The following PANX2 variants were observed in gnomAD, a reference collection of about 807,000 sequenced individuals.
PANX2 encodes pannexin 2, also known as pannexin-2.
A neutral mutation model predicts 38.7 loss-of-function variants in PANX2; 30 were observed. That is an observed-to-expected ratio of 0.78 (90% CI 0.58 to 1.05). The LOEUF (loss-of-function observed/expected upper bound fraction) is 1.05, where lower values mean the gene tolerates loss of function less well. PANX2 is among the 50% of genes least tolerant of loss of function. The probability of loss-of-function intolerance (pLI) is 0.00; values close to 1 mark genes in which losing one functional copy is unlikely to be tolerated. For missense variants in PANX2, 880 were observed against 979.3 expected (o/e 0.90, Z 1.35); for synonymous variants, 539 against 472.1 (o/e 1.14, Z -1.84).
chr22:50,173,102 TG>T (rs1006662237), intron 1 of PANX2, among the ~76,000 whole-genome samples: 19 of 152,298 alleles, frequency 1.2e-4, no homozygotes, highest in African/African-American at 4.6e-4. Flanking sequence ...TTTGCCATGT[TG>T]GCCAGGATGG....
At position 50,175,707 on chromosome 22, in the gene PANX2, G is replaced by T. The variant is rs1250707725; in HGVS notation, c.227-1232G>T. On this transcript the variant is annotated intron_variant, in intron 1 of 2. Coordinates refer to ENST00000395842, the MANE Select transcript of PANX2 (RefSeq NM_052839.4). ...ACTCATGGGAACCCTCCCTGAGCAG[G>T]CTGTCTGGACTGGTAGATGTGCCTC... Among the ~76,000 whole-genome samples, 3 of 152,200 alleles carry T rather than the reference G, an allele frequency of 2.0e-5. No homozygotes were observed. In the South Asian group the frequency reaches 6.2e-4, roughly 32 times the overall value.
In PANX2 at chr22:50,178,221, C is replaced by G. The variant is rs574346456; in HGVS notation, c.1509C>G (p.Pro503=). The change falls in exon 2 of 3, where the codon CCC becomes CCG. Residue 503 remains proline, a synonymous_variant. Coordinates refer to ENST00000395842, the MANE Select transcript of PANX2 (RefSeq NM_052839.4). ...CCGCCCCTGCCCCCGCCCCGCCGCC[C>G]GCCCCTGACAAGAAGCACGCGCGCC... ...PGPAPAPAPP[P]APDKKHARHF... 3.5e-5 allele frequency: 52 copies of G among 1,480,146 alleles called. 1 individual carries two copies. The South Asian group carries it at 6.2e-4, about 18-fold the overall frequency. The allele number at this position is 1,480,146 out of a possible 1,614,324, so 91.7% of individuals were successfully genotyped here.
In PANX2 at chr22:50,177,918, G is replaced by A. The variant is rs1461418253; in HGVS notation, c.1206G>A (p.Val402=). 2.9e-5 allele frequency: 44 copies of A among 1,530,006 alleles called. No individual in the cohort carries two copies. The highest frequency in any genetic ancestry group is 3.8e-5 in the Non-Finnish European group (43 of 1,142,350). The allele number at this position is 1,530,006 out of a possible 1,614,324, so 94.8% of individuals were successfully genotyped here. A position where few individuals can be genotyped will look rare whatever the true frequency, so the allele number is the denominator to read the frequency against. The change falls in exon 2 of 3, where the codon GTG becomes GTA. Residue 402 remains valine (V), a synonymous_variant. Coordinates refer to ENST00000395842, the MANE Select transcript of PANX2 (RefSeq NM_052839.4). ...CCCCCACGGTGCGCGACTCGGGGGT[G>A]CAGACCGTGGACCCCAGCGCCAACC... ...DATPTVRDSG[V]QTVDPSANPA...
intron 1 of PANX2, among the ~76,000 whole-genome samples, chr22:50,171,255 T>C (rs1162329567): frequency 6.6e-6 from 1 of 152,142 alleles, no homozygotes; most frequent in East Asian, 1.9e-4. Flanking sequence ...ACACGGGGTC[T>C]GGTTTGGAGA....
chr22:50,172,215 C>G (rs2063636260), intron 1 of PANX2, among the ~76,000 whole-genome samples: 1 of 152,350 alleles, frequency 6.6e-6, no homozygotes, highest in East Asian at 1.9e-4. Flanking sequence ...TAGGCAGTTT[C>G]AAACAGCAGA....
intron 1 of PANX2, among the ~76,000 whole-genome samples, chr22:50,172,905 T>C (rs1457744323): frequency 6.7e-6 from 1 of 148,334 alleles, no homozygotes; most frequent in Admixed American, 6.8e-5. Context: ...ATTTTTTTTT[T>C]TTTTTTTTTG....
chr22:50,177,113 T>C lies in PANX2; in HGVS notation c.401T>C (p.Ile134Thr), dbSNP rs149462540. 1 of 1,610,288 alleles carries C rather than the reference T, an allele frequency of 6.2e-7. No individual in the cohort carries two copies. Among genetic ancestry groups the C allele is most frequent in the Non-Finnish European group, 8.5e-7 (1 of 1,178,788 alleles). ...LPYALLAFAAIMYVPALGWEF... is the reference protein window; with the variant it reads ...LPYALLAFAATMYVPALGWEF... ...TACGCGCTGCTGGCCTTCGCCGCCATCATGTACGTGCCCGCGCTGGGCTGG... is the reference window on the plus strand; with the variant it reads ...TACGCGCTGCTGGCCTTCGCCGCCACCATGTACGTGCCCGCGCTGGGCTGG... The change falls in exon 2 of 3, where the codon ATC becomes ACC. Residue 134 changes from isoleucine (I) to threonine (T), a missense_variant. Transcript: ENST00000395842.
In PANX2 at chr22:50,178,941, G is replaced by C; in HGVS notation, c.1698G>C (p.Pro566=). The change falls in exon 3 of 3, where the codon CCG becomes CCC. Residue 566 remains proline (P), a synonymous_variant. Coordinates refer to ENST00000395842, the MANE Select transcript of PANX2 (RefSeq NM_052839.4). ...GCTCTTGGCTGTTTGCAGATGCTCC[G>C]CTCCCCGAGAAGGAAATCCCGTACC... is the stretch of plus-strand genomic sequence containing the variant. The part of the protein sequence containing the change: ...GLAPAPIKDA[P]LPEKEIPYPT... 3 of 1,569,434 alleles carry C rather than the reference G, an allele frequency of 1.9e-6. No homozygotes were observed. The highest frequency in any genetic ancestry group is 1.1e-5 in the South Asian group (1 of 87,510).
At chr22:50,172,301 T>A (rs2063636654) in intron 1 of PANX2, among the ~76,000 whole-genome samples, 1 of 152,192 alleles carries the variant, frequency 6.6e-6, no homozygotes, top group African/African-American at 2.4e-5. Flanking sequence ...CTCCCACAGC[T>A]CTAGGAAAGG....
Position 50,170,920 on chromosome 22 carries a change from C to A in PANX2, c.190C>A (p.Leu64Met). Reference protein sequence around the residue: ...VTIGTVLVPILLVTLVFTKNF... With the variant: ...VTIGTVLVPIMLVTLVFTKNF... ...CATCGGCACCGTGCTGGTGCCCATCCTGCTGGTCACCCTGGTCTTCACCAA... is the reference window on the plus strand; with the variant it reads ...CATCGGCACCGTGCTGGTGCCCATCATGCTGGTCACCCTGGTCTTCACCAA... Residue 64 changes from leucine (L) to methionine (M), a missense_variant, in exon 1 of 3, where the codon CTG becomes ATG. By Grantham distance (15) the Leu-to-Met change is conservative. Coordinates refer to ENST00000395842, the MANE Select transcript of PANX2 (RefSeq NM_052839.4). The A allele has an allele frequency of 6.5e-7, 1 of 1,527,792 alleles. No individual in the cohort carries two copies. The highest frequency in any genetic ancestry group is 8.8e-7 in the Non-Finnish European group (1 of 1,137,556). The allele number at this position is 1,527,792 out of a possible 1,614,324, so 94.6% of individuals were successfully genotyped here.
intron 1 of PANX2, among the ~76,000 whole-genome samples, chr22:50,171,702 G>A (rs1686815792): frequency 6.6e-6 from 1 of 152,188 alleles, no homozygotes; most frequent in Non-Finnish European, 1.5e-5. Context: ...TGGGGTCCTG[G>A]TGCCTCTGCC....
Position 50,178,063 on chromosome 22 carries a change from C to T in PANX2, c.1351C>T (p.Arg451Cys). The T allele has an allele frequency of 6.4e-7, 1 of 1,554,028 alleles. No homozygotes were observed. Residue 451 changes from arginine (R) to cysteine (C), a missense_variant, in exon 2 of 3, where the codon CGC becomes TGC. By Grantham distance (180) the Arg-to-Cys change is radical (BLOSUM62 -3). Transcript: ENST00000395842. ...CTTCAAGGAGCCGCTGGCCATCATG[C>T]GCGTGGAGAACAGCAAGGCGGAGAA... ...QPFKEPLAIMRVENSKAEKPK... is the reference protein window; with the variant it reads ...QPFKEPLAIMCVENSKAEKPK...
intron 1 of PANX2, among the ~76,000 whole-genome samples, chr22:50,172,345 G>T (rs996429798): frequency 5.9e-5 from 9 of 152,234 alleles, no homozygotes; most frequent in African/African-American, 2.4e-5. Context: ...TGGTGCTGCC[G>T]GCAATCCTTG....
chr22:50,174,470 C>T (rs1602398819), intron 1 of PANX2, among the ~76,000 whole-genome samples: 2 of 152,314 alleles, frequency 1.3e-5, no homozygotes, highest in South Asian at 4.1e-4. Flanking sequence ...AGCACCAGGC[C>T]CCTGGCTGCC....
chr22:50,170,966 G>C lies in PANX2; in HGVS notation c.226+10G>C, dbSNP rs1284891615. ...ACCAAGAACTTCGCAGGTGAGGCCGGCGGCCGGGGCGCGGGGCGCGGGCAG... is the reference window on the plus strand; with the variant it reads ...ACCAAGAACTTCGCAGGTGAGGCCGCCGGCCGGGGCGCGGGGCGCGGGCAG... On this transcript the variant is annotated intron_variant, in intron 1 of 2. Transcript: ENST00000395842. 6.9e-7 allele frequency: 1 copy of C among 1,457,418 alleles called. No homozygotes were observed. The highest frequency in any genetic ancestry group is 9.2e-7 in the Non-Finnish European group (1 of 1,092,342). The allele number at this position is 1,457,418 out of a possible 1,614,324, so 90.3% of individuals were successfully genotyped here. A position where few individuals can be genotyped will look rare whatever the true frequency, so the allele number is the denominator to read the frequency against.
chr22:50,176,862 G>A (rs868711215), intron 1 of PANX2, 77 bp from the exon 2 acceptor site: 3 of 1,403,158 alleles, frequency 2.1e-6, no homozygotes, highest in Non-Finnish European at 2.8e-6. Context: ...GCAGGGACGC[G>A]GTCAGGTCCA....
chr22:50,178,349 T>C lies in PANX2; in HGVS notation c.1637T>C (p.Phe546Ser), dbSNP rs1202911011. ...GCCTCCCGGAGCCAGGAGGGGGGCT[T>C]CCTGTCCCAGGCGGAGGACTGTGGG... The part of the protein sequence containing the change: ...LPASRSQEGG[F>S]LSQAEDCGLG... The change falls in exon 2 of 3, where the codon TTC becomes TCC. Residue 546 changes from phenylalanine (F) to serine (S), a missense_variant. Around this residue, in one of 4 missense-constraint regions of PANX2, gnomAD observed 445 missense variants for 404.3 expected, o/e 1.10. Transcript: ENST00000395842. The C allele has an allele frequency of 1.3e-6, 2 of 1,495,242 alleles. No individual in the cohort carries two copies. The highest frequency in any genetic ancestry group is 1.8e-6 in the Non-Finnish European group (2 of 1,130,350). 92.6% of individuals were successfully genotyped at this position (1,495,242 alleles called of 1,614,324 possible). A position where few individuals can be genotyped will look rare whatever the true frequency, so the allele number is the denominator to read the frequency against.
chr22:50,178,505 GGGGGCCTGGCTTGA>G (rs2063678907), intron 2 of PANX2, 103 bp downstream of exon 2: 3 of 757,790 alleles, frequency 4.0e-6, no homozygotes, highest in Non-Finnish European at 5.9e-6. Flanking sequence ...AGGGAAGGGA[GGGGGCCTGGCTTGA>G]GGCCCCCTCA....
rs1272212860 is a variant in PANX2, at chr22:50,177,464, C to T, written c.752C>T (p.Thr251Met). 3.1e-6 allele frequency: 5 copies of T among 1,608,818 alleles called. No homozygotes were observed. The highest frequency in any genetic ancestry group is 1.6e-4 in the Middle Eastern group (1 of 6,082). Residue 251 changes from threonine to methionine, a missense_variant, in exon 2 of 3, where the codon ACG (threonine) becomes ATG (methionine). By Grantham distance (81) the Thr-to-Met change is moderately conservative. Coordinates refer to ENST00000395842, the MANE Select transcript of PANX2 (RefSeq NM_052839.4). ...PISYLCTYYA[T>M]QKQNEFTCAL... ...TCCTACCTGTGCACCTACTACGCCA[C>T]GCAGAAGCAGAACGAGTTCACCTGC...
Sources: gnomAD v4.1 joint callset for allele counts (sites outside exome capture counted in the v4.1 genomes callset) on GRCh38, gnomAD v4.1.1 for gene constraint, gnomAD v4.1.1 regional missense constraint, MANE v1.5 for transcripts, NCBI Gene and HGNC (gene_info 2026-07-23, HGNC 2026-07-21) for gene names.